Variants in ZCCHC2 observed in about 807,000 individuals in gnomAD.
ZCCHC2 encodes zinc finger CCHC-type containing 2, also known as zinc finger CCHC domain-containing protein 2.
A neutral mutation model predicts 103.6 loss-of-function variants in ZCCHC2; 39 were observed. The observed-to-expected ratio is 0.38, with a 90% CI of 0.29 to 0.49. The LOEUF (loss-of-function observed/expected upper bound fraction) is 0.49, where lower values mean the gene tolerates loss of function less well. Among genes scored for constraint, ZCCHC2 ranks in the 20% least tolerant of loss-of-function variants. The probability of loss-of-function intolerance (pLI) is 0.96; values close to 1 mark genes in which losing one functional copy is unlikely to be tolerated. For missense variants in ZCCHC2, 1,483 were observed against 1,491.0 expected (o/e 0.99, Z 0.09); for synonymous variants, 687 against 608.9 (o/e 1.13, Z -1.89).
chr18:62,585,043 G>C (rs1917136898), exon 15 of ZCCHC2: 1 of 152,286 alleles, frequency 6.6e-6, no homozygotes, highest in Non-Finnish European at 1.5e-5. Context: ...GGCACGCCTG[G>C]AACACACGCC....
chr18:62,565,935 A>T (rs1243854031), intron 11 of ZCCHC2, among the ~76,000 whole-genome samples: 1 of 152,206 alleles, frequency 6.6e-6, no homozygotes, highest in African/African-American at 2.4e-5. Flanking sequence ...GAAAAAAAAT[A>T]GTTACCTTTT....
chr18:62,558,274 G>A (rs919267786), intron 6 of ZCCHC2, among the ~76,000 whole-genome samples: 3 of 152,176 alleles, frequency 2.0e-5, no homozygotes, highest in Non-Finnish European at 2.9e-5. Flanking sequence ...CAGACACTGA[G>A]AGATTAACAA....
intron 4 of ZCCHC2, among the ~76,000 whole-genome samples, chr18:62,545,260 C>T (rs575461764): frequency 3.9e-5 from 6 of 152,032 alleles, no homozygotes; most frequent in African/African-American, 1.4e-4. Flanking sequence ...TAGTTTCCTG[C>T]AGAGATGTGC....
downstream of ZCCHC2, among the ~76,000 whole-genome samples, chr18:62,580,563 C>G (rs1917018231): frequency 8.2e-6 from 1 of 121,432 alleles, no homozygotes; most frequent in Non-Finnish European, 1.7e-5. Context: ...TGTCACAGTG[C>G]TGTGGAAGGC....
chr18:62,527,747 A>T (rs1914497878), intron 1 of ZCCHC2, among the ~76,000 whole-genome samples: 1 of 152,236 alleles, frequency 6.6e-6, no homozygotes, highest in African/African-American at 2.4e-5. Flanking sequence ...TTAGGAAGTT[A>T]CAGACTGCTT....
chr18:62,559,898 A>G (rs1284886225), intron 7 of ZCCHC2, among the ~76,000 whole-genome samples: 2 of 152,270 alleles, frequency 1.3e-5, no homozygotes, highest in African/African-American at 4.8e-5. Context: ...ACAATACAGC[A>G]TAACAACTAT....
At chr18:62,547,561 T>C (rs989417641) in intron 4 of ZCCHC2, among the ~76,000 whole-genome samples, 2 of 151,498 alleles carry the variant, frequency 1.3e-5, no homozygotes, top group Admixed American at 1.3e-4. Flanking sequence ...TTTTTTTTTT[T>C]CTTTTCTTTT....
At position 62,533,850 on chromosome 18, in the gene ZCCHC2, CA is replaced by C. The variant is rs1452348234; in HGVS notation, c.940-5829del. Reference sequence around the variant, plus strand: ...TGGTGACATTGCACTCCAGCCTGGGCAACAAGAGCAAAACTCTGCCTCAAAA... The same window carrying C: ...TGGTGACATTGCACTCCAGCCTGGGCACAAGAGCAAAACTCTGCCTCAAAA... On this transcript the variant is annotated intron_variant, in intron 1 of 13. Transcript: ENST00000269499. Among the ~76,000 whole-genome samples the C allele has an allele frequency of 3.8e-5, 3 of 79,416 alleles. 1 individual carries two copies. Among genetic ancestry groups the C allele is most frequent in the Middle Eastern group, 0.024 (2 of 82 alleles). 52.1% of individuals were successfully genotyped at this position (79,416 alleles called of 152,430 possible).
Position 62,524,115 on chromosome 18 carries a change from G to T in ZCCHC2, c.691G>T (p.Ala231Ser). ...RGEDGDGEQD[A>S]EKDGSGPEGG... ...CGAGGACGGCGACGGCGAGCAGGACGCCGAGAAGGACGGCTCAGGCCCGGA... is the reference window on the plus strand; with the variant it reads ...CGAGGACGGCGACGGCGAGCAGGACTCCGAGAAGGACGGCTCAGGCCCGGA... Residue 231 changes from alanine (A) to serine (S), a missense_variant, in exon 1 of 14, where the codon GCC (alanine) becomes TCC (serine). Around this residue, in one of 3 missense-constraint regions of ZCCHC2, gnomAD observed 568 missense variants for 525.1 expected, o/e 1.08. Transcript: ENST00000269499. The T allele has an allele frequency of 1.3e-6, 2 of 1,526,718 alleles. No individual in the cohort carries two copies. Among genetic ancestry groups the T allele is most frequent in the Non-Finnish European group, 1.8e-6 (2 of 1,140,988 alleles). The allele number at this position is 1,526,718 out of a possible 1,614,324, so 94.6% of individuals were successfully genotyped here.
chr18:62,562,274 T>C (rs1916150623), intron 8 of ZCCHC2, among the ~76,000 whole-genome samples: 1 of 152,184 alleles, frequency 6.6e-6, no homozygotes, highest in African/African-American at 2.4e-5. Flanking sequence ...AGTGCTGGGA[T>C]TATAGGTGTG....
intron 9 of ZCCHC2, among the ~76,000 whole-genome samples, chr18:62,563,456 T>A (rs1263820970): frequency 6.6e-6 from 1 of 152,118 alleles, no homozygotes; most frequent in African/African-American, 2.4e-5. Context: ...GCCACCCATT[T>A]GACCAGCCTC....
chr18:62,533,561 C>T (rs182058200), intron 1 of ZCCHC2, among the ~76,000 whole-genome samples: 1 of 150,920 alleles, frequency 6.6e-6, no homozygotes, highest in Non-Finnish European at 1.5e-5. Flanking sequence ...ATATGATACA[C>T]TGCTTTAAGA....
chr18:62,556,168 T>C (rs769101355), intron 5 of ZCCHC2, 35 bp from the exon 6 acceptor site: 2 of 1,527,368 alleles, frequency 1.3e-6, no homozygotes, highest in Non-Finnish European at 1.8e-6. Context: ...TAACATTACC[T>C]GAAATTAACA....
chr18:62,564,746 T>G (rs935852259), intron 10 of ZCCHC2, 111 bp downstream of exon 10: 2 of 905,476 alleles, frequency 2.2e-6, no homozygotes, highest in Non-Finnish European at 3.2e-6. Flanking sequence ...ATATTTTTAA[T>G]TCTGGGTTTT....
At position 62,523,494 on chromosome 18, in the gene ZCCHC2, G is replaced by GAGGCGGACGCGCGGCCGGGCGCGA. The variant is rs1246511381; in HGVS notation, c.76_99dup (p.Asp26_Ala33dup). 5.0e-6 allele frequency: 5 copies of GAGGCGGACGCGCGGCCGGGCGCGA among 1,005,482 alleles called. No individual in the cohort carries two copies. The African/African-American group carries it at 8.9e-5, about 18-fold the overall frequency. 62.3% of individuals were successfully genotyped at this position (1,005,482 alleles called of 1,614,324 possible). On this transcript the variant is annotated inframe_insertion, in exon 1 of 14. Transcript: ENST00000269499. ...GCCGCCGCCCGAGGCGGAGGAGCCC[G>GAGGCGGACGCGCGGCCGGGCGCGA]AGGCGGACGCGCGGCCGGGCGCGAA...
In ZCCHC2 at chr18:62,524,297, C is replaced by A. The variant is rs1235632115; in HGVS notation, c.873C>A (p.Leu291=). The change falls in exon 1 of 14, where the codon CTC becomes CTA. Residue 291 remains leucine, a synonymous_variant. Transcript: ENST00000269499. ...ACTTGGAGAGGCTCCGCGCCGCGCT[C>A]CGCGGGGGCCCCGAGGACGCGGAGG... The part of the protein sequence containing the change: ...REHLERLRAA[L]RGGPEDAEVE... The A allele has an allele frequency of 2.6e-6, 4 of 1,548,548 alleles. No individual in the cohort carries two copies. In the African/African-American group the frequency reaches 5.5e-5, roughly 21 times the overall value.
At chr18:62,541,269 C>T (rs900225219) in intron 2 of ZCCHC2, among the ~76,000 whole-genome samples, 5 of 152,182 alleles carry the variant, frequency 3.3e-5, no homozygotes, top group African/African-American at 1.2e-4. Context: ...GAAACTGGCC[C>T]ACAAGCAGGC....
intron 9 of ZCCHC2, 59 bp from the exon 10 acceptor site, chr18:62,564,512 G>T: frequency 8.0e-7 from 1 of 1,244,228 alleles, no homozygotes. Context: ...TATTATGAGA[G>T]TAAAAACGTC....
intron 3 of ZCCHC2, among the ~76,000 whole-genome samples, chr18:62,544,095 A>G (rs993511667): frequency 3.3e-5 from 5 of 152,234 alleles, no homozygotes; most frequent in Non-Finnish European, 7.3e-5. Context: ...TCAAATAATT[A>G]TAGGGTAGAA....
Sources: allele counts gnomAD v4.1 joint callset (sites outside exome capture counted in the v4.1 genomes callset), GRCh38; gene constraint gnomAD v4.1.1; regional missense constraint gnomAD v4.1.1; transcripts MANE v1.5; gene names NCBI Gene and HGNC (gene_info 2026-07-23, HGNC 2026-07-21).